Variants in ABCC5 observed in about 807,000 individuals in gnomAD.
ABCC5 encodes the protein ATP-binding cassette sub-family C member 5.
In ABCC5, 61 loss-of-function variants were observed where a neutral mutation model predicts 160.9. That is an observed-to-expected ratio of 0.38 (90% CI 0.31 to 0.47). ABCC5 has a LOEUF of 0.47. Among genes scored for constraint, ABCC5 ranks in the 20% least tolerant of loss-of-function variants. ABCC5 has a pLI of 0.99. For synonymous variants in ABCC5, 666 were observed against 700.6 expected, an observed-to-expected ratio of 0.95 and a Z score of 0.78; for missense variants, 1,308 against 1,813.3, an observed-to-expected ratio of 0.72 and a Z score of 5.06.
intron 5 of ABCC5, chr3:183,985,563 A>T (rs1052873807): frequency 8.3e-6 from 6 of 719,298 alleles, no homozygotes; most frequent in African/African-American, 1.7e-5. Context: ...ACCAAGAGAG[A>T]GCACTGCAGG....
At chr3:183,965,291 G>T (rs553059884) in intron 13 of ABCC5, 34 bp from the exon 14 acceptor site, 2 of 1,614,098 alleles carry the variant, frequency 1.2e-6, no homozygotes, top group Admixed American at 1.7e-5. Flanking sequence ...TCAGGGACAC[G>T]GCGGGAGCAG....
At chr3:183,969,814 A>G (rs907446196) in intron 11 of ABCC5, among the ~76,000 whole-genome samples, 2 of 152,118 alleles carry the variant, frequency 1.3e-5, no homozygotes, top group African/African-American at 4.8e-5. Context: ...ATAGCTTTTA[A>G]GGGCTGGAAG....
At chr3:184,013,650 C>T (rs1213346555) in intron 2 of ABCC5, among the ~76,000 whole-genome samples, 1 of 152,166 alleles carries the variant, frequency 6.6e-6, no homozygotes, top group Non-Finnish European at 1.5e-5. Context: ...TATTCCCTGT[C>T]ATTGACCCCA....
rs1715546582 is a variant in ABCC5 at position 183,953,184 on chromosome 3, A to C, written c.2569T>G (p.Leu857Val). ...GVYIQAAGGP[L>V]AFLVIMALFM... Reference sequence around the variant, plus strand: ...AGGGCCATAATAACCAGGAATGCCAAGGGGCCCCCAGCAGCCTGGATGTAG... The same window carrying C: ...AGGGCCATAATAACCAGGAATGCCACGGGGCCCCCAGCAGCCTGGATGTAG... Residue 857 changes from leucine to valine, a missense_variant, in exon 18 of 30, where the codon TTG (leucine) becomes GTG (valine). Transcript: ENST00000334444. 6.2e-7 allele frequency: 1 copy of C among 1,614,080 alleles called. No individual in the cohort carries two copies. The highest frequency in any genetic ancestry group is 8.5e-7 in the Non-Finnish European group (1 of 1,180,036).
intron 8 of ABCC5, 138 bp downstream of exon 8, chr3:183,981,589 T>A: frequency 1.0e-6 from 1 of 963,140 alleles, no homozygotes; most frequent in South Asian, 1.6e-5. Context: ...AACACAAAGA[T>A]TCTATGATAT....
In ABCC5 at chr3:183,988,048, C is replaced by T. The variant is rs1238381881; in HGVS notation, c.444-131G>A. On this transcript the variant is annotated intron_variant, in intron 4 of 29. Transcript: ENST00000334444. The surrounding 1 kb of genome is among the most constrained non-coding windows in gnomAD (Gnocchi z 4.4). ...CAAGTCTCTCCTTTAAAATTATGTA[C>T]ATAGTCTTCACCTTCTGGGAAAAAA... The T allele has an allele frequency of 2.0e-6, 2 of 992,192 alleles. No homozygotes were observed. The highest frequency in any genetic ancestry group is 1.6e-5 in the African/African-American group (1 of 62,142). 61.5% of individuals were successfully genotyped at this position (992,192 alleles called of 1,614,324 possible).
intron 7 of ABCC5, 101 bp from the exon 8 acceptor site, chr3:183,981,975 T>G: frequency 7.3e-7 from 1 of 1,377,926 alleles, no homozygotes; most frequent in Non-Finnish European, 9.7e-7. Flanking sequence ...CATATAATCC[T>G]GCTTGCTAGG....
chr3:183,929,426 C>T (rs1024531307), intron 26 of ABCC5, among the ~76,000 whole-genome samples: 1 of 152,044 alleles, frequency 6.6e-6, no homozygotes, highest in Non-Finnish European at 1.5e-5. Context: ...GAGTGAGACT[C>T]CATCTCAATA....
chr3:184,017,860 G>A lies in ABCC5; in HGVS notation c.-86C>T, dbSNP rs941184485. The A allele has an allele frequency of 2.0e-5, 3 of 152,602 alleles. No homozygotes were observed. The East Asian group carries it at 5.8e-4, about 29-fold the overall frequency. 9.5% of individuals were successfully genotyped at this position (152,602 alleles called of 1,614,324 possible). On this transcript the variant is annotated 5_prime_UTR_variant, in exon 1 of 30. Transcript: ENST00000334444. This position sits in a 1 kb window ranked among gnomAD's most constrained non-coding sequence, Gnocchi z 4.5. Reference sequence around the variant, plus strand: ...CCCCTGCTCCAGGACAACCGCGCCAGCCGCTCAACCACGCTCCCGAGCATG... The same window carrying A: ...CCCCTGCTCCAGGACAACCGCGCCAACCGCTCAACCACGCTCCCGAGCATG...
intron 10 of ABCC5, among the ~76,000 whole-genome samples, chr3:183,973,032 G>A (rs1176819478): frequency 1.4e-5 from 2 of 144,920 alleles, no homozygotes; most frequent in Non-Finnish European, 3.0e-5. Context: ...GGATTTTCCC[G>A]TAAGACTTTG....
chr3:183,985,369 C>T, intron 5 of ABCC5: 1 of 1,614,004 alleles, frequency 6.2e-7, no homozygotes, highest in Non-Finnish European at 8.5e-7. Context: ...ATACAGCCAT[C>T]CTGAAAATTC....
At chr3:184,015,775 C>T (rs2108940500) in intron 1 of ABCC5, among the ~76,000 whole-genome samples, 1 of 152,162 alleles carries the variant, frequency 6.6e-6, no homozygotes, top group African/African-American at 2.4e-5. Context: ...GCAATCACGT[C>T]ATTGAGACCT....
chr3:183,945,878 G>A lies in ABCC5; in HGVS notation c.3476C>T (p.Ser1159Leu), dbSNP rs765292844. The A allele has an allele frequency of 7.4e-6, 12 of 1,613,940 alleles. No individual in the cohort carries two copies. The highest frequency in any genetic ancestry group is 1.6e-4 in the Middle Eastern group (1 of 6,084). The change falls in exon 24 of 30, where the codon TCG (serine) becomes TTG (leucine). Residue 1159 changes from serine to leucine, a missense_variant. Physicochemically the swap from Ser to Leu is moderately radical, Grantham distance 145 (BLOSUM62 -2). Around this residue, in one of 3 missense-constraint regions of ABCC5, gnomAD observed 1,142 missense variants for 1,527.1 expected, o/e 0.75. Transcript: ENST00000334444. ...LASETEARFT[S>L]VERINHYIKT... is the part of the protein sequence containing the mutation. Reference sequence around the variant, plus strand: ...AATGTAGTGATTGATCCTCTCCACCGAGGTGAATCGAGCTTCTGTCTCAGA... The same window carrying A: ...AATGTAGTGATTGATCCTCTCCACCAAGGTGAATCGAGCTTCTGTCTCAGA...
At chr3:183,948,564 A>T (rs1477188880) in intron 22 of ABCC5, among the ~76,000 whole-genome samples, 1 of 152,228 alleles carries the variant, frequency 6.6e-6, no homozygotes, top group East Asian at 1.9e-4. Context: ...TATACACAGA[A>T]TAGAAAATTT....
chr3:183,958,815 G>A lies in ABCC5; in HGVS notation c.2482+918C>T, dbSNP rs527339718. The stretch of plus-strand genomic sequence containing the variant: ...GGGGCGTGCCATGTTGCCCAGGCTG[G>A]TCCTGAACTCCTGGGCCCGAGCAAT... On this transcript the variant is annotated intron_variant, in intron 17 of 29. Coordinates refer to ENST00000334444, the MANE Select transcript of ABCC5 (RefSeq NM_005688.4). Among the ~76,000 whole-genome samples, 6 of 152,044 alleles carry A rather than the reference G, an allele frequency of 3.9e-5. No individual in the cohort carries two copies. In the South Asian group the frequency reaches 1.2e-3, roughly 32 times the overall value.
Position 183,961,503 on chromosome 3 carries a change from G to A in ABCC5, c.2379+8C>T, listed in dbSNP as rs771507301. On this transcript the variant is annotated splice_region_variant and intron_variant, in intron 16 of 29. Transcript: ENST00000334444. Reference sequence around the variant, plus strand: ...AAGGGGACACACGCAAACACCATCAGATCTTACCTCAACTGGCGGTGTCTC... The same window carrying A: ...AAGGGGACACACGCAAACACCATCAAATCTTACCTCAACTGGCGGTGTCTC... 1 of 1,613,960 alleles carries A rather than the reference G, an allele frequency of 6.2e-7. No homozygotes were observed.
chr3:184,008,457 T>G (rs1451026041), intron 2 of ABCC5, among the ~76,000 whole-genome samples: 2 of 152,218 alleles, frequency 1.3e-5, no homozygotes, highest in African/African-American at 2.4e-5. Flanking sequence ...CCAAAGTTAG[T>G]ACTCAGGCTC....
chr3:183,937,730 G>A (rs1337981639), intron 26 of ABCC5, among the ~76,000 whole-genome samples, 171 bp downstream of exon 26: 2 of 152,196 alleles, frequency 1.3e-5, no homozygotes, highest in Non-Finnish European at 2.9e-5. Flanking sequence ...GGCATTGTGA[G>A]TGGTGCTGCC....
chr3:184,010,408 G>A (rs887853957), intron 2 of ABCC5: 23 of 151,972 alleles, frequency 1.5e-4, no homozygotes, highest in African/African-American at 5.3e-4. Context: ...TCAGTGGCAT[G>A]TTGAAAACCT....
Sources: allele counts gnomAD v4.1 joint callset (sites outside exome capture counted in the v4.1 genomes callset), GRCh38; gene constraint gnomAD v4.1.1; regional missense constraint gnomAD v4.1.1; non-coding constraint Gnocchi (gnomAD v3.1); transcripts MANE v1.5; gene names NCBI Gene and HGNC (gene_info 2026-07-23, HGNC 2026-07-21).